CEP63: variants seen among roughly 807,000 people sequenced by gnomAD.
CEP63 encodes the protein centrosomal protein of 63 kDa.
A neutral mutation model predicts 89.1 loss-of-function variants in CEP63; 84 were observed. The observed-to-expected ratio is 0.94, with a 90% CI of 0.79 to 1.13. CEP63 has a LOEUF of 1.13. CEP63 is among the 50% of genes most tolerant of loss of function. The pLI, the probability that CEP63 is intolerant of heterozygous loss-of-function variation, is 0.00. For synonymous variants in CEP63, 267 were observed against 272.5 expected, an observed-to-expected ratio of 0.98 and a Z score of 0.20; for missense variants, 838 against 813.3, an observed-to-expected ratio of 1.03 and a Z score of -0.37.
chr3:134,707,440 AG>A, the CEP63 span, among the ~76,000 whole-genome samples: 1 of 152,246 alleles, frequency 6.6e-6, no homozygotes, highest in Non-Finnish European at 1.5e-5. Context: ...GGATAGCACA[AG>A]CAATTGGATG....
At chr3:134,488,124 C>T (rs1157127344) in intron 1 of CEP63, 1 of 152,316 alleles carries the variant, frequency 6.6e-6, no homozygotes, top group Non-Finnish European at 1.5e-5. Context: ...TACCTACCAC[C>T]TGAGCTCTGC....
At chr3:134,498,807 A>G (rs541680776) in intron 2 of CEP63, among the ~76,000 whole-genome samples, 19 of 152,266 alleles carry the variant, frequency 1.2e-4, no homozygotes, top group Admixed American at 2.6e-4. Flanking sequence ...TGAGATGATC[A>G]TATGGTTTTT....
chr3:134,716,499 C>T, the CEP63 span, among the ~76,000 whole-genome samples: 77 of 152,240 alleles, frequency 5.1e-4, no homozygotes, highest in Admixed American at 2.2e-3. Context: ...GGATATTTGG[C>T]GGCTCATGTG....
the CEP63 span, among the ~76,000 whole-genome samples, chr3:134,748,592 T>G: frequency 6.6e-6 from 1 of 152,152 alleles, no homozygotes; most frequent in African/African-American, 2.4e-5. Context: ...CTATGAGACC[T>G]CCAGGGGCCC....
the CEP63 span, among the ~76,000 whole-genome samples, chr3:134,697,421 T>A: frequency 1.1e-4 from 17 of 152,048 alleles, no homozygotes; most frequent in African/African-American, 3.9e-4. Context: ...TGGCATTTAG[T>A]TTTGGGCACG....
chr3:134,724,977 C>T, the CEP63 span, among the ~76,000 whole-genome samples: 1 of 152,006 alleles, frequency 6.6e-6, no homozygotes, highest in African/African-American at 2.4e-5. Flanking sequence ...ATAAGGCAAC[C>T]AGCTGACCTG....
At chr3:134,711,637 A>T in the CEP63 span, among the ~76,000 whole-genome samples, 5 of 152,166 alleles carry the variant, frequency 3.3e-5, no homozygotes, top group Non-Finnish European at 5.9e-5. Flanking sequence ...TTGACTATGG[A>T]GTGCCCATTT....
chr3:134,539,641 A>G (rs1483362677), intron 6 of CEP63, among the ~76,000 whole-genome samples: 2 of 152,162 alleles, frequency 1.3e-5, no homozygotes, highest in Non-Finnish European at 2.9e-5. Flanking sequence ...TTGAACAATG[A>G]CAGTAGAAAA....
the CEP63 span, among the ~76,000 whole-genome samples, chr3:134,721,451 C>A: frequency 5.3e-5 from 8 of 152,046 alleles, no homozygotes; most frequent in African/African-American, 1.9e-4. Context: ...AATCTTGATG[C>A]CTTTTTTTCT....
the CEP63 span, chr3:134,619,227 C>T: frequency 1.2e-6 from 2 of 1,613,968 alleles, no homozygotes; most frequent in South Asian, 1.1e-5. Context: ...GGTTTGAAGG[C>T]TTGGCGGTCC....
chr3:134,538,565 A>AT (rs991732919), intron 6 of CEP63, among the ~76,000 whole-genome samples: 1 of 138,230 alleles, frequency 7.2e-6, no homozygotes, highest in Non-Finnish European at 1.6e-5. Context: ...GTATATATAT[A>AT]TTTTTTTAAC....
At chr3:134,706,091 G>T in the CEP63 span, among the ~76,000 whole-genome samples, 1 of 152,110 alleles carries the variant, frequency 6.6e-6, no homozygotes, top group Non-Finnish European at 1.5e-5. Context: ...GGGCTTAGTG[G>T]GTAGAGGGGA....
At chr3:134,532,142 G>A (rs1467553661) in intron 4 of CEP63, among the ~76,000 whole-genome samples, 2 of 152,218 alleles carry the variant, frequency 1.3e-5, no homozygotes, top group Non-Finnish European at 2.9e-5. Flanking sequence ...CTACCTAGAA[G>A]AGATGCTAAA....
At chr3:134,531,540 C>T (rs1489982590) in intron 3 of CEP63, among the ~76,000 whole-genome samples, 2 of 152,110 alleles carry the variant, frequency 1.3e-5, no homozygotes, top group African/African-American at 2.4e-5. Flanking sequence ...CAAGATTGCA[C>T]CACTGCACTC....
At chr3:134,690,743 A>ATTTTTTT in the CEP63 span, among the ~76,000 whole-genome samples, 54 of 120,788 alleles carry the variant, frequency 4.5e-4, 4 homozygotes, top group African/African-American at 1.6e-3. Context: ...GAAGACCAAG[A>ATTTTTTT]TTTTTTTTTT....
intron 6 of CEP63, among the ~76,000 whole-genome samples, chr3:134,541,219 C>T (rs1319968639): frequency 2.0e-5 from 3 of 152,124 alleles, no homozygotes; most frequent in Non-Finnish European, 2.9e-5. Flanking sequence ...TATGGAAGTA[C>T]AATTGTTTTA....
chr3:134,736,000 G>A, the CEP63 span, among the ~76,000 whole-genome samples: 1 of 151,968 alleles, frequency 6.6e-6, no homozygotes, highest in African/African-American at 2.4e-5. Context: ...TAAGAAAATA[G>A]GTTGAAAATT....
the CEP63 span, among the ~76,000 whole-genome samples, chr3:134,611,894 C>T: frequency 6.6e-6 from 1 of 152,228 alleles, no homozygotes; most frequent in Non-Finnish European, 1.5e-5. Context: ...TAAAAATGAA[C>T]ATGTAATTTA....
chr3:134,703,484 A>G, the CEP63 span, among the ~76,000 whole-genome samples: 2 of 152,166 alleles, frequency 1.3e-5, no homozygotes, highest in African/African-American at 4.8e-5. Flanking sequence ...AGGAACATGG[A>G]TGGAGCTGGA....
Sources: allele counts gnomAD v4.1 joint callset (sites outside exome capture counted in the v4.1 genomes callset), GRCh38; gene constraint gnomAD v4.1.1; transcripts MANE v1.5; gene names NCBI Gene and HGNC (gene_info 2026-07-23, HGNC 2026-07-21).